The following PDE10A variants were observed in gnomAD, a reference collection of about 807,000 sequenced individuals.
The protein encoded by PDE10A is cAMP and cAMP-inhibited cGMP 3',5'-cyclic phosphodiesterase 10A.
In PDE10A, 39 loss-of-function variants were observed where a neutral mutation model predicts 97.7. That is an observed-to-expected ratio of 0.40 (90% CI 0.31 to 0.52). The LOEUF (loss-of-function observed/expected upper bound fraction) is 0.52, where lower values mean the gene tolerates loss of function less well. Ranked by LOEUF, PDE10A falls within the 20% of genes least tolerant of loss-of-function variation. The pLI is 0.56. For synonymous variants in PDE10A, 371 were observed against 376.8 expected (o/e 0.98, Z 0.18); for missense variants, 731 against 1,047.8 (o/e 0.70, Z 4.17).
intron 1 of PDE10A, among the ~76,000 whole-genome samples, chr6:165,704,708 ATC>A: frequency 6.6e-6 from 1 of 152,358 alleles, no homozygotes; most frequent in Non-Finnish European, 1.5e-5. Context: ...CACAGGAACT[ATC>A]TCTTTTTGTG....
At chr6:165,339,993 G>A (rs1781885028) in intron 19 of PDE10A, among the ~76,000 whole-genome samples, 1 of 152,016 alleles carries the variant, frequency 6.6e-6, no homozygotes, top group Non-Finnish European at 1.5e-5. Context: ...CACTATGTTA[G>A]TTACTAAAGA....
intron 1 of PDE10A, among the ~76,000 whole-genome samples, chr6:165,723,594 T>C (rs935063227): frequency 6.6e-6 from 1 of 152,232 alleles, no homozygotes; most frequent in Non-Finnish European, 1.5e-5. Context: ...CATTTCACCA[T>C]GCTCAAAATA....
chr6:165,835,504 G>A (rs1331532822), intron 1 of PDE10A, among the ~76,000 whole-genome samples: 4 of 152,246 alleles, frequency 2.6e-5, no homozygotes, highest in Non-Finnish European at 5.9e-5. Flanking sequence ...CAGCTCTGCT[G>A]CACGAGCTTC....
upstream of PDE10A, among the ~76,000 whole-genome samples, chr6:165,664,084 G>A (rs1371142716): frequency 6.6e-6 from 1 of 152,164 alleles, no homozygotes; most frequent in Non-Finnish European, 1.5e-5. Flanking sequence ...CGGGCTGTCC[G>A]GACTGCCTGG....
chr6:165,458,639 A>G (rs1051227246), intron 3 of PDE10A, among the ~76,000 whole-genome samples: 2 of 151,922 alleles, frequency 1.3e-5, no homozygotes, highest in African/African-American at 4.8e-5. Flanking sequence ...GTATCTATCA[A>G]TCTTTCTCTC....
At chr6:165,660,473 G>A (rs1003436371) in intron 1 of PDE10A, 2 of 152,468 alleles carry the variant, frequency 1.3e-5, no homozygotes, top group Middle Eastern at 3.4e-3. Context: ...ACGGGTGTAC[G>A]AGAGGCCGCT....
chr6:165,912,065 T>G (rs749789063), intron 1 of PDE10A, among the ~76,000 whole-genome samples: 1 of 152,092 alleles, frequency 6.6e-6, no homozygotes, highest in Non-Finnish European at 1.5e-5. Flanking sequence ...TATCTGTTTA[T>G]CATCTCTATC....
At chr6:165,768,935 C>A (rs940082006) in intron 1 of PDE10A, among the ~76,000 whole-genome samples, 2 of 152,178 alleles carry the variant, frequency 1.3e-5, no homozygotes, top group Non-Finnish European at 2.9e-5. Flanking sequence ...ATTATTTACA[C>A]TTTAAAGTGA....
chr6:165,984,367 C>A (rs115615285), intron 1 of PDE10A, among the ~76,000 whole-genome samples: 113 of 152,212 alleles, frequency 7.4e-4, no homozygotes, highest in African/African-American at 2.6e-3. Context: ...AATATTTCCA[C>A]CAAAGAGATG....
At chr6:165,370,375 T>G (rs13198261) in intron 18 of PDE10A, among the ~76,000 whole-genome samples, 19,834 of 146,502 alleles carry the variant, frequency 0.14, 1,346 homozygotes, top group Non-Finnish European at 0.18. Context: ...AATAAAAGGA[T>G]GGAGGAAGAT....
Position 165,697,561 on chromosome 6 carries a change from C to T in PDE10A, c.-614-153993G>A, listed in dbSNP as rs375429643. ...AGTTCATATGAACAAACACAGACCA[C>T]AACATATATGAAACTTGAAGACCTT... On this transcript the variant is annotated intron_variant, in intron 1 of 19. Transcript: ENST00000366882. Among the ~76,000 whole-genome samples, 213 of 152,296 alleles carry T rather than the reference C, an allele frequency of 1.4e-3. 8 individuals are homozygous for T. The South Asian group carries it at 0.043, about 31-fold the overall frequency.
chr6:165,656,875 TG>T (rs1195589496), intron 1 of PDE10A, among the ~76,000 whole-genome samples: 1 of 152,200 alleles, frequency 6.6e-6, no homozygotes, highest in Non-Finnish European at 1.5e-5. Context: ...ATCTCTTCTG[TG>T]ATCTGTGTGC....
intron 1 of PDE10A, among the ~76,000 whole-genome samples, chr6:165,957,869 T>C (rs1209294292): frequency 2.0e-5 from 3 of 151,854 alleles, no homozygotes; most frequent in Non-Finnish European, 4.4e-5. Context: ...TTTGGGGGAG[T>C]CTGAATTAGG....
rs1490735274 is a variant in PDE10A, at chr6:165,662,533, C to T, written c.279G>A (p.Trp93Ter). 6.8e-6 allele frequency: 1 copy of T among 147,036 alleles called. No individual in the cohort carries two copies. Among genetic ancestry groups the T allele is most frequent in the Non-Finnish European group, 1.5e-5 (1 of 66,476 alleles). The allele number at this position is 147,036 out of a possible 1,614,324, so 9.1% of individuals were successfully genotyped here. Residue 93 changes from tryptophan to a stop codon, truncating the protein, a stop_gained, in exon 1 of 22, where the codon TGG (tryptophan) becomes TGA (stop). Transcript: ENST00000539869. LOFTEE classifies it high-confidence loss of function. ...ALSARGGGCG[W>*]VAARAPLALA... Reference sequence around the variant, plus strand: ...GCGCCAAGGGAGCGCGGGCCGCGACCCAGCCGCAGCCGCCGCCGCGCGCAG... The same window carrying T: ...GCGCCAAGGGAGCGCGGGCCGCGACTCAGCCGCAGCCGCCGCCGCGCGCAG...
intron 1 of PDE10A, among the ~76,000 whole-genome samples, chr6:165,686,082 C>T (rs909084237): frequency 7.3e-5 from 11 of 151,466 alleles, no homozygotes; most frequent in African/African-American, 2.4e-4. Context: ...CAGTAGAATT[C>T]AGAGCTAGCT....
At chr6:165,386,159 G>A (rs1336504540) in intron 17 of PDE10A, among the ~76,000 whole-genome samples, 2 of 152,040 alleles carry the variant, frequency 1.3e-5, no homozygotes, top group African/African-American at 2.4e-5. Flanking sequence ...CATCGCGGAG[G>A]GTTTGCCAAA....
At chr6:165,658,745 G>C (rs115650234) in intron 1 of PDE10A, among the ~76,000 whole-genome samples, 1 of 152,184 alleles carries the variant, frequency 6.6e-6, no homozygotes, top group Non-Finnish European at 1.5e-5. Flanking sequence ...TTCCTACTCC[G>C]ATGGCAACTT....
At chr6:165,688,389 T>A (rs140032216) in intron 1 of PDE10A, among the ~76,000 whole-genome samples, 4 of 152,224 alleles carry the variant, frequency 2.6e-5, no homozygotes, top group African/African-American at 9.6e-5. Flanking sequence ...CTCCACCCCT[T>A]CTAATATTGG....
chr6:165,691,106 T>TCTCTCTCTCCC lies in PDE10A; in HGVS notation c.-614-147539_-614-147538insGGGAGAGAGAG, dbSNP rs143783728. On this transcript the variant is annotated intron_variant, in intron 1 of 19. Coordinates refer to the PDE10A transcript ENST00000366882. ...CTCTCTCTCTCTCTCTCTTTCTCTC[T>TCTCTCTCTCCC]CCCCCCCCCCATCAGTGCCTGTGGT... Among the ~76,000 whole-genome samples the TCTCTCTCTCCC allele has an allele frequency of 4.3e-4, 17 of 39,130 alleles. 2 individuals carry two copies. Among genetic ancestry groups the TCTCTCTCTCCC allele is most frequent in the East Asian group, 8.4e-4 (1 of 1,188 alleles). The allele number at this position is 39,130 out of a possible 152,430, so 25.7% of individuals were successfully genotyped here.
Sources: allele counts gnomAD v4.1 joint callset (sites outside exome capture counted in the v4.1 genomes callset), GRCh38; gene constraint gnomAD v4.1.1; transcripts MANE v1.5; gene names NCBI Gene and HGNC (gene_info 2026-07-23, HGNC 2026-07-21).